F8: variants seen among roughly 807,000 people sequenced by gnomAD.
F8 encodes the protein antihemophilic factor.
A neutral mutation model predicts 140.6 loss-of-function variants in F8; 12 were observed. The ratio of observed to expected loss-of-function variants is 0.09; its 90% CI spans 0.05 to 0.14. The LOEUF is 0.14. Ranked by LOEUF, F8 falls within the 10% of genes least tolerant of loss-of-function variation. F8 has a pLI of 1.00. For synonymous variants in F8, 585 were observed against 614.6 expected, an observed-to-expected ratio of 0.95 and a Z score of 0.71; for missense variants, 1,354 against 1,720.7, an observed-to-expected ratio of 0.79 and a Z score of 3.77.
At chrX:155,008,894 T>C (rs1305373013) in intron 1 of F8, among the ~76,000 whole-genome samples, 2 of 109,729 alleles carry the variant, frequency 1.8e-5, no homozygotes, top group East Asian at 5.7e-4. Flanking sequence ...CCTGGAAGGT[T>C]CATTCCAGCT....
intron 25 of F8, among the ~76,000 whole-genome samples, chrX:154,844,125 G>C (rs782296221): frequency 9.0e-6 from 1 of 110,949 alleles, no homozygotes; most frequent in Non-Finnish European, 1.9e-5. Context: ...ACTTCTGAGG[G>C]CTCTGTTCTG....
intron 20 of F8, 27 bp from the exon 21 acceptor site, chrX:154,899,978 T>G (rs2073001638): frequency 1.7e-6 from 2 of 1,154,777 alleles, no homozygotes; most frequent in African/African-American, 3.6e-5. Context: ...AAACAGAGAT[T>G]AAATTCAGCT....
intron 4 of F8, among the ~76,000 whole-genome samples, chrX:154,990,784 G>T (rs1197345749): frequency 3.6e-5 from 4 of 112,008 alleles, no homozygotes; most frequent in African/African-American, 6.5e-5. Flanking sequence ...CAATGGCACT[G>T]CAAGGGGTTT....
At chrX:154,850,192 G>A (rs1603431268) in intron 25 of F8, among the ~76,000 whole-genome samples, 2 of 107,861 alleles carry the variant, frequency 1.9e-5, no homozygotes, top group East Asian at 2.9e-4. Flanking sequence ...GTGATGGCGC[G>A]ATCTGGGCTC....
At chrX:155,015,715 G>C (rs1303782636) in intron 1 of F8, among the ~76,000 whole-genome samples, 1 of 111,804 alleles carries the variant, frequency 8.9e-6, no homozygotes, top group Non-Finnish European at 1.9e-5. Flanking sequence ...TGGGTACTAT[G>C]TTCACTACTT....
intron 12 of F8, among the ~76,000 whole-genome samples, chrX:154,950,654 T>C (rs940614488): frequency 1.8e-5 from 2 of 112,424 alleles, no homozygotes; most frequent in African/African-American, 3.2e-5. Context: ...GTAGTCACCA[T>C]AGTGTACAAT....
chrX:154,879,157 T>C (rs1200034464), intron 22 of F8, among the ~76,000 whole-genome samples: 3 of 111,783 alleles, frequency 2.7e-5, no homozygotes, highest in Non-Finnish European at 5.6e-5. Context: ...AAAATTCATG[T>C]GTAATTGTGC....
In F8 at chrX:154,904,684, A is replaced by T. The variant is rs2073028639; in HGVS notation, c.5586+127T>A. 5 of 738,868 alleles carry T rather than the reference A, an allele frequency of 6.8e-6. No individual in the cohort carries two copies. The East Asian group carries it at 1.7e-4, about 25-fold the overall frequency. 60.9% of individuals were successfully genotyped at this position (738,868 alleles called of 1,213,427 possible). A position where few individuals can be genotyped will look rare whatever the true frequency, so the allele number is the denominator to read the frequency against. On this transcript the variant is annotated intron_variant, in intron 16 of 25. Transcript: ENST00000360256. ...TTCCAGAATGACATTTCTAAAACAC[A>T]AATATAATGATCAACTCTCCTATTT...
chrX:154,858,858 A>G (rs1326320452), intron 25 of F8, among the ~76,000 whole-genome samples: 1 of 112,662 alleles, frequency 8.9e-6, no homozygotes, highest in African/African-American at 3.2e-5. Context: ...TGGACTTGTC[A>G]TGGTTAATTT....
chrX:155,020,337 C>T (rs968122167), intron 1 of F8, among the ~76,000 whole-genome samples: 1 of 112,068 alleles, frequency 8.9e-6, no homozygotes, highest in Non-Finnish European at 1.9e-5. Flanking sequence ...CTAGACAAAT[C>T]CCTCTCTCAT....
chrX:154,982,214 A>G (rs1473660249), intron 6 of F8, among the ~76,000 whole-genome samples: 28 of 106,349 alleles, frequency 2.6e-4, no homozygotes, highest in East Asian at 5.9e-4. Flanking sequence ...TTGGGAGGCC[A>G]AGGCGGGTGG....
Position 154,930,286 on chromosome X carries a change from T to C in F8, c.3504A>G (p.Lys1168=), listed in dbSNP as rs782505486. 8.3e-7 allele frequency: 1 copy of C among 1,210,187 alleles called. No homozygotes were observed. Among genetic ancestry groups the C allele is most frequent in the Non-Finnish European group, 1.1e-6 (1 of 895,235 alleles). Residue 1168 remains lysine (K), a synonymous_variant, in exon 14 of 26, where the codon AAA becomes AAG. Transcript: ENST00000360256. The part of the protein sequence containing the change: ...EGQNFLSEKN[K]VVVGKGEFTK... ...TAAATTCACCCTTTCCTACTACCACTTTGTTTTTCTCAGACAAGAAATTCT... is the reference window on the plus strand; with the variant it reads ...TAAATTCACCCTTTCCTACTACCACCTTGTTTTTCTCAGACAAGAAATTCT...
intron 22 of F8, among the ~76,000 whole-genome samples, chrX:154,868,317 A>G (rs1017137774): frequency 9.1e-6 from 1 of 110,307 alleles, no homozygotes; most frequent in African/African-American, 3.3e-5. Flanking sequence ...TCCTTCACAC[A>G]CTCTCTCTTG....
chrX:154,905,431 T>C (rs1162719446), intron 15 of F8, among the ~76,000 whole-genome samples: 3 of 111,914 alleles, frequency 2.7e-5, no homozygotes, highest in Non-Finnish European at 5.6e-5. Context: ...ATTATACATA[T>C]TTATCATAGA....
chrX:154,942,967 AC>A lies in F8; in HGVS notation c.2113+4730del, dbSNP rs782593186. On this transcript the variant is annotated intron_variant, in intron 13 of 25. Transcript: ENST00000360256. Reference sequence around the variant, plus strand: ...AAAAGGCCTTTGACAAAATTCAACAACCCTTCATGCTAAAAACTCTCAATAA... The same window carrying A: ...AAAAGGCCTTTGACAAAATTCAACAACCTTCATGCTAAAAACTCTCAATAA... Among the ~76,000 whole-genome samples the A allele has an allele frequency of 1.2e-3, 131 of 108,500 alleles. 2 individuals carry two copies. The highest frequency in any genetic ancestry group is 4.3e-3 in the African/African-American group (129 of 29,701). The allele number at this position is 108,500 out of a possible 115,157, so 94.2% of individuals were successfully genotyped here.
At chrX:154,975,087 T>C (rs28820895) in intron 6 of F8, among the ~76,000 whole-genome samples, 1 of 111,953 alleles carries the variant, frequency 8.9e-6, no homozygotes. Flanking sequence ...TGATTATTTG[T>C]GCTCTCATCT....
intron 22 of F8, among the ~76,000 whole-genome samples, chrX:154,875,761 G>C (rs1229650910): frequency 1.8e-5 from 2 of 109,051 alleles, no homozygotes; most frequent in Middle Eastern, 4.2e-3. Context: ...GTGTGTGTGT[G>C]TGTGTGTGTG....
intron 6 of F8, among the ~76,000 whole-genome samples, chrX:154,980,801 CCA>C (rs782157709): frequency 3.2e-4 from 35 of 111,079 alleles, no homozygotes; most frequent in Non-Finnish European, 6.4e-4. Context: ...CTTCCCCACC[CCA>C]CACACAAAAC....
At chrX:154,906,013 A>G (rs2073036147) in intron 15 of F8, among the ~76,000 whole-genome samples, 1 of 111,861 alleles carries the variant, frequency 8.9e-6, no homozygotes, top group African/African-American at 3.2e-5. Flanking sequence ...CACTTCTGGA[A>G]TTTTATCTTA....
Sources: allele counts gnomAD v4.1 joint callset (sites outside exome capture counted in the v4.1 genomes callset), GRCh38; gene constraint gnomAD v4.1.1; transcripts MANE v1.5; gene names NCBI Gene and HGNC (gene_info 2026-07-23, HGNC 2026-07-21).